The following DCC variants were observed in gnomAD, a reference collection of about 807,000 sequenced individuals.
DCC encodes the protein DCC netrin 1 receptor, also known as netrin receptor DCC.
In DCC, 58 loss-of-function variants were observed where a neutral mutation model predicts 172.5. That is an observed-to-expected ratio of 0.34 (90% CI 0.27 to 0.42). The LOEUF is 0.42. Among genes scored for constraint, DCC ranks in the 10% least tolerant of loss-of-function variants. DCC has a pLI of 1.00. For synonymous variants in DCC, 709 were observed against 644.5 expected (o/e 1.10, Z -1.52); for missense variants, 1,740 against 1,791.0 (o/e 0.97, Z 0.51).
intron 1 of DCC, among the ~76,000 whole-genome samples, chr18:52,346,600 C>G (rs1313059957): frequency 6.6e-6 from 1 of 152,074 alleles, no homozygotes; most frequent in Non-Finnish European, 1.5e-5. Flanking sequence ...AATATGCCTT[C>G]TTTTTCAATA....
At chr18:52,704,940 G>T (rs2036181816) in intron 1 of DCC, among the ~76,000 whole-genome samples, 1 of 152,148 alleles carries the variant, frequency 6.6e-6, no homozygotes, top group Non-Finnish European at 1.5e-5. Context: ...CTAAGGTATG[G>T]CTAATCATGC....
At chr18:53,120,100 A>G (rs2043462618) in intron 7 of DCC, among the ~76,000 whole-genome samples, 1 of 151,830 alleles carries the variant, frequency 6.6e-6, no homozygotes, top group Non-Finnish European at 1.5e-5. Context: ...TATTTCAACC[A>G]TGAATATGTT....
At chr18:53,319,690 C>T (rs1167101170) in intron 13 of DCC, among the ~76,000 whole-genome samples, 3 of 152,202 alleles carry the variant, frequency 2.0e-5, no homozygotes, top group East Asian at 1.9e-4. Context: ...AATCACTGGG[C>T]AGGCCATTAA....
At chr18:53,440,016 C>T (rs1191040331) in intron 22 of DCC, among the ~76,000 whole-genome samples, 1 of 151,578 alleles carries the variant, frequency 6.6e-6, no homozygotes, top group East Asian at 1.9e-4. Context: ...CCGCCCGCCT[C>T]GGCCTCCCAA....
intron 2 of DCC, among the ~76,000 whole-genome samples, chr18:52,761,289 A>C (rs561386739): frequency 6.6e-5 from 10 of 152,352 alleles, no homozygotes; most frequent in Non-Finnish European, 1.5e-4. Flanking sequence ...ACCTGCCTCC[A>C]TGATTCAATT....
At chr18:52,615,704 A>C (rs562261425) in intron 1 of DCC, among the ~76,000 whole-genome samples, 1 of 152,300 alleles carries the variant, frequency 6.6e-6, no homozygotes, top group Non-Finnish European at 1.5e-5. Flanking sequence ...TTAAGTACCC[A>C]AAATTGAGAA....
intron 3 of DCC, among the ~76,000 whole-genome samples, chr18:52,916,952 G>GT (rs1014462912): frequency 5.3e-5 from 8 of 151,850 alleles, no homozygotes; most frequent in African/African-American, 1.4e-4. Flanking sequence ...CGACATAGGT[G>GT]TTTTTTTAAA....
At chr18:53,237,660 C>A (rs1218196888) in intron 12 of DCC, among the ~76,000 whole-genome samples, 1 of 152,032 alleles carries the variant, frequency 6.6e-6, no homozygotes, top group East Asian at 1.9e-4. Context: ...ACTCAGTATA[C>A]CTTCCATAAA....
chr18:53,187,194 C>T (rs865874751), intron 9 of DCC, among the ~76,000 whole-genome samples: 2 of 150,844 alleles, frequency 1.3e-5, no homozygotes, highest in Non-Finnish European at 2.9e-5. Flanking sequence ...GTGATCTCAG[C>T]TCACTGCAAC....
At chr18:53,475,521 C>A (rs1237275529) in intron 25 of DCC, among the ~76,000 whole-genome samples, 1 of 152,214 alleles carries the variant, frequency 6.6e-6, no homozygotes, top group Non-Finnish European at 1.5e-5. Flanking sequence ...CAGGTCTTGG[C>A]TTCAGAGGGT....
At chr18:53,241,176 A>G (rs2056287635) in intron 12 of DCC, among the ~76,000 whole-genome samples, 2 of 152,142 alleles carry the variant, frequency 1.3e-5, no homozygotes, top group East Asian at 1.9e-4. Context: ...GGTGAAGTCT[A>G]AAGGTGGGGC....
At chr18:53,040,215 A>G (rs1460680396) in intron 5 of DCC, among the ~76,000 whole-genome samples, 2 of 152,062 alleles carry the variant, frequency 1.3e-5, no homozygotes, top group Admixed American at 6.6e-5. Context: ...TTGAACAGTT[A>G]CTATGTGCTA....
At chr18:53,464,360 A>G (rs774522125) in intron 24 of DCC, among the ~76,000 whole-genome samples, 1 of 152,208 alleles carries the variant, frequency 6.6e-6, no homozygotes, top group African/African-American at 2.4e-5. Context: ...TCTATAAAAG[A>G]GCTACATAAC....
intron 5 of DCC, among the ~76,000 whole-genome samples, chr18:52,927,128 C>CGTGTATATACGT (rs1568192111): frequency 2.7e-5 from 1 of 36,466 alleles, no homozygotes; most frequent in Non-Finnish European, 7.4e-5. Flanking sequence ...TGTATATACA[C>CGTGTATATACGT]GTATATACGT....
At chr18:52,895,739 T>C (rs2039719043) in intron 2 of DCC, among the ~76,000 whole-genome samples, 1 of 152,240 alleles carries the variant, frequency 6.6e-6, no homozygotes, top group Admixed American at 6.5e-5. Flanking sequence ...ACTTTTCTTT[T>C]TGTATACTTA....
chr18:52,429,206 T>C (rs540933836), intron 1 of DCC, among the ~76,000 whole-genome samples: 1 of 152,212 alleles, frequency 6.6e-6, no homozygotes, highest in Admixed American at 6.6e-5. Context: ...GTATCTCATT[T>C]AGTCTACTCA....
chr18:52,781,008 A>T (rs1163007276), intron 2 of DCC, among the ~76,000 whole-genome samples: 1 of 152,214 alleles, frequency 6.6e-6, no homozygotes, highest in African/African-American at 2.4e-5. Context: ...AAAAAAGCAG[A>T]ACAAATTTAT....
chr18:52,523,679 T>C (rs575800995), intron 1 of DCC, among the ~76,000 whole-genome samples: 1 of 152,342 alleles, frequency 6.6e-6, no homozygotes, highest in Admixed American at 6.5e-5. Context: ...TGAATTTTCA[T>C]CAATTTTGCA....
rs1909051504 is a variant in DCC at position 53,397,824 on chromosome 18, A to C, written c.2827+378A>C. 2.0e-5 allele frequency among the ~76,000 whole-genome samples: 3 copies of C among 152,210 alleles called. 1 individual carries two copies. The South Asian group carries it at 6.2e-4, about 31-fold the overall frequency. ...GTAGGTATTTCTCATTTTGAAAAAA[A>C]GAAAAATAGATGCAAAAGAAAGCAT... On this transcript the variant is annotated intron_variant, in intron 18 of 28. Coordinates refer to ENST00000442544, the MANE Select transcript of DCC (RefSeq NM_005215.4).
Sources: allele counts gnomAD v4.1 joint callset (sites outside exome capture counted in the v4.1 genomes callset), GRCh38; gene constraint gnomAD v4.1.1; transcripts MANE v1.5; gene names NCBI Gene and HGNC (gene_info 2026-07-23, HGNC 2026-07-21).